MRAP2: variants seen among roughly 807,000 people sequenced by gnomAD.
MRAP2 encodes melanocortin-2 receptor accessory protein 2.
Under a neutral mutation model 17.4 loss-of-function variants are expected in MRAP2, and 20 were observed. The observed-to-expected ratio is 1.15, with a 90% confidence interval of 0.81 to 1.67. MRAP2 has a LOEUF of 1.67. MRAP2 is among the 40% of genes most tolerant of loss of function. The probability of loss-of-function intolerance (pLI) is 0.00; values close to 1 mark genes in which losing one functional copy is unlikely to be tolerated. For synonymous variants in MRAP2, 96 were observed against 88.4 expected (o/e 1.09, Z -0.48); for missense variants, 238 against 240.0 (o/e 0.99, Z 0.05).
At chr6:84,043,786 C>T (rs966183905) in intron 1 of MRAP2, among the ~76,000 whole-genome samples, 4 of 152,090 alleles carry the variant, frequency 2.6e-5, no homozygotes, top group Admixed American at 2.6e-4. Context: ...GAATTTTTGA[C>T]CTCTACTAAA....
intron 1 of MRAP2, among the ~76,000 whole-genome samples, chr6:84,042,245 C>T (rs754714865): frequency 6.6e-6 from 1 of 152,126 alleles, no homozygotes; most frequent in Non-Finnish European, 1.5e-5. Flanking sequence ...TTTCCTGAGG[C>T]CTTCTTAGCC....
At chr6:84,119,238 G>C in the MRAP2 span, among the ~76,000 whole-genome samples, 1 of 151,998 alleles carries the variant, frequency 6.6e-6, no homozygotes, top group Non-Finnish European at 1.5e-5. Context: ...AATTTTAATA[G>C]GAATTTCATT....
At chr6:84,065,037 C>G (rs1310513577) in intron 3 of MRAP2, among the ~76,000 whole-genome samples, 2 of 152,182 alleles carry the variant, frequency 1.3e-5, no homozygotes, top group African/African-American at 4.8e-5. Context: ...GTAATCCCAA[C>G]AGTTCTGGAG....
At chr6:84,064,674 A>G (rs1459560509) in intron 3 of MRAP2, among the ~76,000 whole-genome samples, 1 of 152,072 alleles carries the variant, frequency 6.6e-6, no homozygotes, top group African/African-American at 2.4e-5. Context: ...TTTTTAGTAG[A>G]GACAGGGTTT....
Position 84,089,905 on chromosome 6 carries a change from G to A in MRAP2, c.*424G>A, listed in dbSNP as rs750380059. The stretch of plus-strand genomic sequence containing the variant: ...CCCAAGACAACTCTTCTTCCAGTGT[G>A]GCACAGGGAAGCTAAAAGATTGGAC... On this transcript the variant is annotated 3_prime_UTR_variant, in exon 4 of 4. Transcript: ENST00000257776. 1.9e-5 allele frequency: 3 copies of A among 161,276 alleles called. No individual in the cohort carries two copies. Among genetic ancestry groups the A allele is most frequent in the Non-Finnish European group, 2.7e-5 (2 of 74,098 alleles). The allele number at this position is 161,276 out of a possible 1,614,324, so 10.0% of individuals were successfully genotyped here. A position where few individuals can be genotyped will look rare whatever the true frequency, so the allele number is the denominator to read the frequency against.
intron 3 of MRAP2, among the ~76,000 whole-genome samples, chr6:84,067,672 G>C (rs547773268): frequency 1.3e-5 from 2 of 148,320 alleles, no homozygotes; most frequent in Admixed American, 6.7e-5. Flanking sequence ...TTGGCCATTT[G>C]TATATCTTCT....
At chr6:84,130,842 T>A in the MRAP2 span, among the ~76,000 whole-genome samples, 2 of 152,222 alleles carry the variant, frequency 1.3e-5, no homozygotes, top group Non-Finnish European at 2.9e-5. Context: ...AGGTTTCTTG[T>A]GTCTCTATCT....
chr6:84,111,002 A>C, the MRAP2 span, among the ~76,000 whole-genome samples: 1 of 152,134 alleles, frequency 6.6e-6, no homozygotes, highest in Non-Finnish European at 1.5e-5. Flanking sequence ...TGGTTACTGT[A>C]GCCTTGTAGT....
the MRAP2 span, among the ~76,000 whole-genome samples, chr6:84,136,903 C>A: frequency 2.6e-5 from 4 of 152,176 alleles, no homozygotes; most frequent in African/African-American, 9.6e-5. Flanking sequence ...CCATCGGCCA[C>A]ACACCAGGCA....
intron 2 of MRAP2, among the ~76,000 whole-genome samples, chr6:84,060,321 C>T (rs1376829594): frequency 6.6e-6 from 1 of 152,088 alleles, no homozygotes; most frequent in Non-Finnish European, 1.5e-5. Context: ...GATTATCTCC[C>T]TGGGGGTACT....
In MRAP2 at chr6:84,062,614, C is replaced by T. The variant is rs7756316; in HGVS notation, c.128-279C>T. The T allele has an allele frequency of 0.017, 16,552 of 985,296 alleles. 1,897 individuals are homozygous for T. The African/African-American group carries it at 0.25, about 15-fold the overall frequency. 61.0% of individuals were successfully genotyped at this position (985,296 alleles called of 1,614,324 possible). On this transcript the variant is annotated intron_variant, in intron 2 of 3. Coordinates refer to ENST00000257776, the MANE Select transcript of MRAP2 (RefSeq NM_138409.4). ...AGTGGAATCTTGAGGTCCTAGATAA[C>T]CTATGCTCTGGTCTAGGTTCCTTCC...
intron 1 of MRAP2, among the ~76,000 whole-genome samples, chr6:84,039,636 C>T (rs1303160386): frequency 6.6e-6 from 1 of 152,182 alleles, no homozygotes; most frequent in Non-Finnish European, 1.5e-5. Flanking sequence ...ATTTTTGCCT[C>T]ACTAGAGAAC....
intron 3 of MRAP2, among the ~76,000 whole-genome samples, chr6:84,081,349 G>A (rs2099498934): frequency 6.6e-6 from 1 of 152,190 alleles, no homozygotes; most frequent in African/African-American, 2.4e-5. Flanking sequence ...TATGGCATAA[G>A]GTGTCGGTAT....
At chr6:84,135,003 A>G in the MRAP2 span, among the ~76,000 whole-genome samples, 1 of 152,122 alleles carries the variant, frequency 6.6e-6, no homozygotes, top group East Asian at 1.9e-4. Context: ...ATGCATGCAT[A>G]CATACATACA....
At chr6:84,112,245 G>T in the MRAP2 span, among the ~76,000 whole-genome samples, 45 of 152,074 alleles carry the variant, frequency 3.0e-4, no homozygotes, top group African/African-American at 1.0e-3. Flanking sequence ...GGCTTCTTTT[G>T]GTTGGTAGGC....
intron 1 of MRAP2, among the ~76,000 whole-genome samples, chr6:84,035,977 A>G (rs1645247363): frequency 6.6e-6 from 1 of 152,210 alleles, no homozygotes; most frequent in Non-Finnish European, 1.5e-5. Flanking sequence ...TTCAAGGGAA[A>G]TGTTTTCATT....
chr6:84,126,525 T>A, the MRAP2 span: 13 of 1,488,726 alleles, frequency 8.7e-6, no homozygotes, highest in Non-Finnish European at 1.2e-5. Context: ...AAAATTGACA[T>A]ATGAAGCAAA....
the MRAP2 span, among the ~76,000 whole-genome samples, chr6:84,115,893 C>T: frequency 6.6e-6 from 1 of 152,098 alleles, no homozygotes; most frequent in Non-Finnish European, 1.5e-5. Flanking sequence ...TTCAGCTTGC[C>T]CTCCATGAGC....
chr6:84,127,313 TA>T, the MRAP2 span, among the ~76,000 whole-genome samples: 457 of 149,558 alleles, frequency 3.1e-3, 2 homozygotes, highest in African/African-American at 0.011. Context: ...CACCTATTAA[TA>T]ACAATAATAC....
Sources: gnomAD v4.1 joint callset for allele counts (sites outside exome capture counted in the v4.1 genomes callset) on GRCh38, gnomAD v4.1.1 for gene constraint, MANE v1.5 for transcripts, NCBI Gene and HGNC (gene_info 2026-07-23, HGNC 2026-07-21) for gene names.